Variants in SLC38A4 observed in about 807,000 individuals in gnomAD.
SLC38A4 encodes sodium-coupled neutral amino acid transporter 4.
In SLC38A4, 20 loss-of-function variants were observed where a neutral mutation model predicts 63.1. That is an observed-to-expected ratio of 0.32 (90% CI 0.22 to 0.46). SLC38A4 has a LOEUF of 0.46. Ranked by LOEUF, SLC38A4 falls within the 20% of genes least tolerant of loss-of-function variation. The pLI is 1.00. For synonymous variants in SLC38A4, 230 were observed against 225.5 expected, an observed-to-expected ratio of 1.02 and a Z score of -0.18; for missense variants, 526 against 663.6, an observed-to-expected ratio of 0.79 and a Z score of 2.28.
At chr12:46,792,006 C>T (rs904577481) in intron 3 of SLC38A4, among the ~76,000 whole-genome samples, 2 of 152,064 alleles carry the variant, frequency 1.3e-5, no homozygotes, top group African/African-American at 2.4e-5. Flanking sequence ...AAGGACCTTA[C>T]GTGCCCAGCA....
intron 10 of SLC38A4, 22 bp from the exon 11 acceptor site, chr12:46,778,798 G>GA (rs199983823): frequency 0.024 from 37,307 of 1,539,254 alleles, 502 homozygotes; most frequent in South Asian, 0.04. Context: ...CATTAAAAAA[G>GA]AAAAAAAAAT....
intron 1 of SLC38A4, among the ~76,000 whole-genome samples, chr12:46,808,674 C>T (rs753556417): frequency 7.9e-5 from 12 of 151,988 alleles, no homozygotes; most frequent in Non-Finnish European, 1.6e-4. Flanking sequence ...TTCAGGCTTC[C>T]ACCTAAGCAG....
intron 13 of SLC38A4, 135 bp from the exon 14 acceptor site, chr12:46,775,308 G>C: frequency 3.8e-6 from 4 of 1,051,436 alleles, no homozygotes; most frequent in Non-Finnish European, 5.3e-6. Context: ...CTCTGGTCTT[G>C]CCTCTGAGCT....
intron 2 of SLC38A4, 22 bp from the exon 3 acceptor site, chr12:46,793,205 C>A: frequency 1.8e-6 from 1 of 561,998 alleles, no homozygotes; most frequent in Non-Finnish European, 3.2e-6. Context: ...ACACAACATA[C>A]ATCATTATAA....
At chr12:46,782,313 C>T (rs1325191055) in intron 7 of SLC38A4, among the ~76,000 whole-genome samples, 1 of 151,884 alleles carries the variant, frequency 6.6e-6, no homozygotes, top group Non-Finnish European at 1.5e-5. Context: ...TAGAAACAAT[C>T]CAACTGTTCA....
intron 1 of SLC38A4, among the ~76,000 whole-genome samples, chr12:46,806,741 G>A (rs996081832): frequency 6.6e-6 from 1 of 151,982 alleles, no homozygotes; most frequent in African/African-American, 2.4e-5. Context: ...TTCAACACCC[G>A]TTTCATCAAT....
chr12:46,830,602 C>T (rs574180019), upstream of SLC38A4, among the ~76,000 whole-genome samples: 5 of 152,264 alleles, frequency 3.3e-5, no homozygotes, highest in South Asian at 1.0e-3. Context: ...GAAGCTCTGG[C>T]CTCTTTCCGC....
At chr12:46,778,230 T>C in intron 12 of SLC38A4, 59 bp downstream of exon 12, 2 of 1,524,084 alleles carry the variant, frequency 1.3e-6, no homozygotes, top group Non-Finnish European at 1.8e-6. Flanking sequence ...TAAAGAATCT[T>C]TGAACATATG....
chr12:46,825,580 A>G (rs1005579440), intron 1 of SLC38A4, among the ~76,000 whole-genome samples: 5 of 152,308 alleles, frequency 3.3e-5, no homozygotes, highest in African/African-American at 1.2e-4. Flanking sequence ...GGGAAACACG[A>G]ACCCTTTTAG....
At chr12:46,797,359 A>C (rs1384952061) in intron 2 of SLC38A4, among the ~76,000 whole-genome samples, 1 of 152,278 alleles carries the variant, frequency 6.6e-6, no homozygotes, top group East Asian at 1.9e-4. Flanking sequence ...CATAGAACAA[A>C]AAGGCAGAGG....
intron 2 of SLC38A4, among the ~76,000 whole-genome samples, chr12:46,800,482 C>T (rs572515575): frequency 3.0e-4 from 46 of 152,042 alleles, no homozygotes; most frequent in African/African-American, 1.1e-3. Context: ...GGCACTGTTC[C>T]CTCTGCTTGG....
intron 2 of SLC38A4, among the ~76,000 whole-genome samples, chr12:46,796,315 T>C (rs1252750804): frequency 6.6e-6 from 1 of 152,186 alleles, no homozygotes; most frequent in Non-Finnish European, 1.5e-5. Context: ...AGGATATTGA[T>C]GTGAGGTTTT....
intron 7 of SLC38A4, among the ~76,000 whole-genome samples, chr12:46,784,137 G>T (rs1043676004): frequency 5.3e-5 from 8 of 151,966 alleles, no homozygotes; most frequent in African/African-American, 1.9e-4. Flanking sequence ...ACAGCATTTG[G>T]CTATGTTCCC....
intron 6 of SLC38A4, 139 bp downstream of exon 6, chr12:46,784,964 CT>C (rs1565667682): frequency 1.3e-6 from 1 of 797,782 alleles, no homozygotes; most frequent in Non-Finnish European, 2.1e-6. Context: ...ACTATAAACA[CT>C]GAGAGATCGT....
intron 1 of SLC38A4, among the ~76,000 whole-genome samples, chr12:46,815,962 A>G: frequency 6.6e-6 from 1 of 151,898 alleles, no homozygotes; most frequent in East Asian, 1.9e-4. Flanking sequence ...CTGAAAAAAT[A>G]TATATTTAAA....
At chr12:46,812,367 G>A (rs1195482767) in intron 1 of SLC38A4, among the ~76,000 whole-genome samples, 1 of 151,916 alleles carries the variant, frequency 6.6e-6, no homozygotes, top group Non-Finnish European at 1.5e-5. Context: ...TTTTTGTCTT[G>A]AAACTGTCTG....
chr12:46,815,240 GATATATATATATATATATATATAT>G (rs56368111), intron 1 of SLC38A4, among the ~76,000 whole-genome samples: 9 of 89,640 alleles, frequency 1.0e-4, no homozygotes, highest in African/African-American at 3.1e-4. Context: ...ATGGCTAAAG[GATATATATATATATATATATATAT>G]ATATATATAT....
In SLC38A4 at chr12:46,792,936, A is replaced by G. The variant is rs1565670649; in HGVS notation, c.119+17T>C. The G allele has an allele frequency of 6.3e-7, 1 of 1,576,494 alleles. No homozygotes were observed. Among genetic ancestry groups the G allele is most frequent in the Non-Finnish European group, 8.7e-7 (1 of 1,146,246 alleles). ...GTCTTATTTTTCCATGGAACATAGT[A>G]ATTTTTAACCCCATACCTGCTCATT... On this transcript the variant is annotated intron_variant, in intron 3 of 16. Coordinates refer to ENST00000266579, the MANE Select transcript of SLC38A4 (RefSeq NM_018018.5).
At chr12:46,774,678 A>G (rs1486469896) in intron 14 of SLC38A4, among the ~76,000 whole-genome samples, 1 of 152,110 alleles carries the variant, frequency 6.6e-6, no homozygotes, top group African/African-American at 2.4e-5. Flanking sequence ...AATGCCTTCA[A>G]AACTGTGATG....
Sources: allele counts gnomAD v4.1 joint callset (sites outside exome capture counted in the v4.1 genomes callset), GRCh38; gene constraint gnomAD v4.1.1; transcripts MANE v1.5; gene names NCBI Gene and HGNC (gene_info 2026-07-23, HGNC 2026-07-21).